The following NCOA3 variants were observed in gnomAD, a reference collection of about 807,000 sequenced individuals.
The protein encoded by NCOA3 is nuclear receptor coactivator 3, also known as CBP-interacting protein.
In NCOA3, 51 loss-of-function variants were observed where a neutral mutation model predicts 158.8. The observed-to-expected ratio is 0.32, with a 90% CI of 0.26 to 0.41. The LOEUF (loss-of-function observed/expected upper bound fraction) is 0.41, where lower values mean the gene tolerates loss of function less well. NCOA3 is among the 10% of genes least tolerant of loss of function. The pLI is 1.00. For missense variants in NCOA3, 1,510 were observed against 1,746.6 expected, an observed-to-expected ratio of 0.86 and a Z score of 2.41; for synonymous variants, 537 against 592.4, an observed-to-expected ratio of 0.91 and a Z score of 1.36.
intron 2 of NCOA3, among the ~76,000 whole-genome samples, chr20:47,598,374 C>T (rs914700720): frequency 5.3e-5 from 8 of 151,924 alleles, no homozygotes; most frequent in South Asian, 2.1e-4. Context: ...TTCGCTCTGT[C>T]GCTCAGGTTG....
chr20:47,583,692 A>C (rs1030328475), intron 2 of NCOA3, among the ~76,000 whole-genome samples: 1 of 152,258 alleles, frequency 6.6e-6, no homozygotes, highest in Non-Finnish European at 1.5e-5. Flanking sequence ...GCAGTGACTC[A>C]TGTTTATAAT....
chr20:47,540,253 A>T (rs1228201665), intron 1 of NCOA3, among the ~76,000 whole-genome samples: 1 of 152,150 alleles, frequency 6.6e-6, no homozygotes. Flanking sequence ...TTTCTTTGAA[A>T]TGGATTTTTC....
At chr20:47,548,845 A>G (rs1165588726) in intron 1 of NCOA3, among the ~76,000 whole-genome samples, 1 of 152,200 alleles carries the variant, frequency 6.6e-6, no homozygotes, top group Non-Finnish European at 1.5e-5. Context: ...ATGTGAAATA[A>G]TATCTGTGAG....
intron 1 of NCOA3, among the ~76,000 whole-genome samples, chr20:47,546,829 C>G (rs755242325): frequency 1.3e-5 from 2 of 152,144 alleles, no homozygotes; most frequent in African/African-American, 2.4e-5. Flanking sequence ...CCGCTACCGG[C>G]CTGCCTCTGT....
intron 2 of NCOA3, among the ~76,000 whole-genome samples, chr20:47,613,905 TA>T (rs371184594): frequency 0.14 from 20,155 of 142,750 alleles, 1,883 homozygotes; most frequent in African/African-American, 0.26. Context: ...GACTCTGTCT[TA>T]AAAAAAAAAA....
At chr20:47,639,282 G>T (rs918590604) in intron 14 of NCOA3, 80 bp downstream of exon 14, 17 of 1,185,914 alleles carry the variant, frequency 1.4e-5, no homozygotes, top group Non-Finnish European at 1.9e-5. Context: ...AAATAATTGG[G>T]AGTAAATAAT....
At chr20:47,651,818 A>AC (rs2086798543) in intron 20 of NCOA3, among the ~76,000 whole-genome samples, 1 of 145,652 alleles carries the variant, frequency 6.9e-6, no homozygotes, top group African/African-American at 2.5e-5. Context: ...GCATTCCACC[A>AC]CCCCCGGCTG....
intron 2 of NCOA3, among the ~76,000 whole-genome samples, chr20:47,602,187 C>G (rs932675197): frequency 4.6e-5 from 7 of 152,144 alleles, no homozygotes; most frequent in Admixed American, 4.6e-4. Context: ...TTCCAGATAG[C>G]CCTTTTGTTA....
At chr20:47,539,013 T>C (rs1482850658) in intron 1 of NCOA3, among the ~76,000 whole-genome samples, 1 of 152,254 alleles carries the variant, frequency 6.6e-6, no homozygotes, top group Non-Finnish European at 1.5e-5. Flanking sequence ...TTTCAAGACT[T>C]CACTTTGCCT....
At chr20:47,603,419 A>G (rs1020082404) in intron 2 of NCOA3, among the ~76,000 whole-genome samples, 1 of 152,188 alleles carries the variant, frequency 6.6e-6, no homozygotes, top group African/African-American at 2.4e-5. Context: ...CTCTGTTCTC[A>G]TGGGAGTGTC....
At chr20:47,641,594 G>A (rs1173988920) in intron 16 of NCOA3, among the ~76,000 whole-genome samples, 1 of 144,140 alleles carries the variant, frequency 6.9e-6, no homozygotes, top group Non-Finnish European at 1.5e-5. Context: ...TCCGCCTCCT[G>A]GGTTCATGCC....
intron 2 of NCOA3, among the ~76,000 whole-genome samples, chr20:47,596,599 A>T (rs1016908239): frequency 2.6e-5 from 4 of 152,106 alleles, no homozygotes; most frequent in Non-Finnish European, 5.9e-5. Context: ...TCTTTTTTTA[A>T]ATTTTAGACA....
chr20:47,651,045 C>T lies in NCOA3; in HGVS notation c.3715C>T (p.Arg1239Ter), dbSNP rs969825525. ...RSRELLSHHF[R>*]QQRVAMMMQQ... The stretch of plus-strand genomic sequence containing the variant: ...CAGAGAGCTGCTAAGTCATCACTTC[C>T]GACAACAGAGGGTGGCTATGATGAT... Residue 1239 changes from arginine (R) to a stop codon, truncating the protein, a stop_gained, in exon 20 of 23, where the codon CGA (arginine) becomes TGA (stop). Coordinates refer to ENST00000371998, the MANE Select transcript of NCOA3 (RefSeq NM_181659.3). LOFTEE classifies it high-confidence loss of function. 5.0e-6 allele frequency: 8 copies of T among 1,613,928 alleles called. No individual in the cohort carries two copies. Among genetic ancestry groups the T allele is most frequent in the Non-Finnish European group, 6.8e-6 (8 of 1,180,008 alleles).
chr20:47,502,149 C>G, intron 1 of NCOA3, 130 bp downstream of exon 1: 1 of 397,594 alleles, frequency 2.5e-6, no homozygotes, highest in Non-Finnish European at 4.4e-6. Flanking sequence ...AGGGGCGCGC[C>G]GGCCGGGGGA....
chr20:47,653,626 CT>C lies in NCOA3; in HGVS notation c.*210del. 1.6e-6 allele frequency: 1 copy of C among 636,956 alleles called. No homozygotes were observed. Among genetic ancestry groups the C allele is most frequent in the South Asian group, 2.1e-5 (1 of 47,462 alleles). The allele number at this position is 636,956 out of a possible 1,614,324, so 39.5% of individuals were successfully genotyped here. A position where few individuals can be genotyped will look rare whatever the true frequency, so the allele number is the denominator to read the frequency against. On this transcript the variant is annotated 3_prime_UTR_variant, in exon 23 of 23. Transcript: ENST00000371998. ...TACGTGTTTTTCCCCCCTCCTTCTG[CT>C]GTGTATCATGGTGTTCAAAACAGAA...
chr20:47,535,019 GT>G (rs35717308), intron 1 of NCOA3, among the ~76,000 whole-genome samples: 355 of 144,250 alleles, frequency 2.5e-3, no homozygotes, highest in African/African-American at 7.2e-3. Context: ...GCCCAGGCTT[GT>G]TTTTTTTTTT....
At chr20:47,576,597 T>G (rs1403099809) in intron 1 of NCOA3, among the ~76,000 whole-genome samples, 1 of 152,172 alleles carries the variant, frequency 6.6e-6, no homozygotes, top group Non-Finnish European at 1.5e-5. Flanking sequence ...GTTCTTTGCC[T>G]TCTCCACTCC....
chr20:47,511,550 T>TATATATATATAC, intron 1 of NCOA3, among the ~76,000 whole-genome samples: 39 of 52,244 alleles, frequency 7.5e-4, no homozygotes, highest in Non-Finnish European at 1.0e-3. Context: ...TATATATATA[T>TATATATATATAC]ATATATTTCT....
chr20:47,588,431 G>C (rs1159385116), intron 2 of NCOA3, among the ~76,000 whole-genome samples: 1 of 146,670 alleles, frequency 6.8e-6, no homozygotes, highest in Non-Finnish European at 1.5e-5. Flanking sequence ...CACCACGCCC[G>C]ACCTCCACCC....
Sources: gnomAD v4.1 joint callset for allele counts (sites outside exome capture counted in the v4.1 genomes callset) on GRCh38, gnomAD v4.1.1 for gene constraint, MANE v1.5 for transcripts, NCBI Gene and HGNC (gene_info 2026-07-23, HGNC 2026-07-21) for gene names.